The following EIF2AK4 variants were observed in gnomAD, a reference collection of about 807,000 sequenced individuals.
EIF2AK4 encodes the protein eIF-2-alpha kinase GCN2.
EIF2AK4 carries 139 observed loss-of-function variants against 211.1 expected under a neutral mutation model. The ratio of observed to expected loss-of-function variants is 0.66; its 90% confidence interval spans 0.57 to 0.76. The LOEUF (loss-of-function observed/expected upper bound fraction) is 0.76. Among genes scored for constraint, EIF2AK4 ranks in the 30% least tolerant of loss-of-function variants. EIF2AK4 has a pLI of 0.00. For synonymous variants in EIF2AK4, 710 were observed against 751.3 expected, an observed-to-expected ratio of 0.94 and a Z score of 0.90; for missense variants, 1,664 against 2,043.8, an observed-to-expected ratio of 0.81 and a Z score of 3.58.
At chr15:39,971,886 A>C (rs1446582858) in intron 9 of EIF2AK4, among the ~76,000 whole-genome samples, 1 of 152,222 alleles carries the variant, frequency 6.6e-6, no homozygotes, top group Non-Finnish European at 1.5e-5. Context: ...TCAGGGGTAT[A>C]GTAGAATTTG....
chr15:40,019,232 C>G (rs201918855), intron 30 of EIF2AK4, 32 bp downstream of exon 30: 20 of 1,468,936 alleles, frequency 1.4e-5, no homozygotes, highest in African/African-American at 1.3e-4. Context: ...CAGCATACTT[C>G]GAGGTGTCTT....
chr15:40,019,306 A>C, intron 30 of EIF2AK4, 106 bp downstream of exon 30: 1 of 827,968 alleles, frequency 1.2e-6, no homozygotes, highest in East Asian at 2.9e-5. Context: ...TGTGAAAGCT[A>C]TAGACGTAGG....
At chr15:39,976,337 G>T in intron 11 of EIF2AK4, 77 bp from the exon 12 acceptor site, 1 of 1,457,538 alleles carries the variant, frequency 6.9e-7, no homozygotes, top group Non-Finnish European at 9.2e-7. Context: ...GCTTTCCTTG[G>T]GAGGGGATGG....
intron 27 of EIF2AK4, among the ~76,000 whole-genome samples, chr15:40,013,798 C>G (rs530534983): frequency 6.6e-6 from 1 of 152,168 alleles, no homozygotes; most frequent in African/African-American, 2.4e-5. Flanking sequence ...CTACCCATGG[C>G]CCCTCCCAAA....
chr15:40,011,152 T>TC (rs1480570504), intron 26 of EIF2AK4, 129 bp from the exon 27 acceptor site: 14 of 571,476 alleles, frequency 2.4e-5, no homozygotes, highest in Non-Finnish European at 3.9e-5. Context: ...CAGAATTCAA[T>TC]CTATCCTGTA....
intron 34 of EIF2AK4, among the ~76,000 whole-genome samples, chr15:40,029,984 T>C (rs1176085429): frequency 2.0e-5 from 3 of 152,224 alleles, no homozygotes; most frequent in Non-Finnish European, 4.4e-5. Flanking sequence ...TTCTCTTCTG[T>C]TAGCACTAAC....
intron 18 of EIF2AK4, among the ~76,000 whole-genome samples, chr15:39,993,111 CCCAT>C (rs2034971300): frequency 7.0e-6 from 1 of 143,866 alleles, no homozygotes; most frequent in African/African-American, 2.6e-5. Context: ...CATCCACCCA[CCCAT>C]CCACCCATCC....
At chr15:39,955,153 G>A (rs2034372353) in intron 5 of EIF2AK4, among the ~76,000 whole-genome samples, 2 of 152,028 alleles carry the variant, frequency 1.3e-5, no homozygotes, top group African/African-American at 4.8e-5. Flanking sequence ...CCCTTCTTCT[G>A]TTCATCTCCT....
chr15:40,024,792 G>T (rs1304804668), intron 32 of EIF2AK4, among the ~76,000 whole-genome samples: 1 of 148,780 alleles, frequency 6.7e-6, no homozygotes, highest in Non-Finnish European at 1.5e-5. Context: ...GCAGTGGCGC[G>T]ATCTCAGCTT....
At chr15:40,005,879 C>G in intron 23 of EIF2AK4, among the ~76,000 whole-genome samples, 1 of 151,828 alleles carries the variant, frequency 6.6e-6, no homozygotes, top group Admixed American at 6.6e-5. Flanking sequence ...CCTGCATACA[C>G]TTGATATATG....
At chr15:39,946,568 A>G in intron 3 of EIF2AK4, 1 of 702,262 alleles carries the variant, frequency 1.4e-6, no homozygotes, top group Non-Finnish European at 2.6e-6. Flanking sequence ...AGGATATTTC[A>G]TAAACTTTGT....
At chr15:40,017,501 CTATATATA>C (rs202237104) in intron 29 of EIF2AK4, among the ~76,000 whole-genome samples, 57 of 26,104 alleles carry the variant, frequency 2.2e-3, no homozygotes, top group South Asian at 5.2e-3. Context: ...TACTCTGTTT[CTATATATA>C]TATATATATA....
At chr15:39,950,503 A>G (rs2034292438) in intron 4 of EIF2AK4, among the ~76,000 whole-genome samples, 1 of 151,658 alleles carries the variant, frequency 6.6e-6, no homozygotes, top group African/African-American at 2.4e-5. Flanking sequence ...AGGCACGAGA[A>G]TTGCTCGAAC....
chr15:39,992,133 T>G, intron 16 of EIF2AK4, 42 bp from the exon 17 acceptor site: 1 of 1,560,632 alleles, frequency 6.4e-7, no homozygotes. Flanking sequence ...CATGGAATAA[T>G]ATCATGTTTT....
At chr15:39,964,540 T>C (rs2034516775) in intron 7 of EIF2AK4, among the ~76,000 whole-genome samples, 2 of 152,216 alleles carry the variant, frequency 1.3e-5, no homozygotes, top group South Asian at 2.1e-4. Context: ...AACAGCTGCC[T>C]ACAACAAAGA....
At chr15:39,983,317 T>C (rs1269150787) in intron 13 of EIF2AK4, among the ~76,000 whole-genome samples, 1 of 152,264 alleles carries the variant, frequency 6.6e-6, no homozygotes, top group African/African-American at 2.4e-5. Context: ...GAGCTTTTTT[T>C]CATGTGTTTG....
At position 39,969,219 on chromosome 15, in the gene EIF2AK4, G is replaced by T. The variant is rs551686458; in HGVS notation, c.1553+1340G>T. ...GTGTTGTTAAAAACAGTACTGGGAG[G>T]TTTAAGTAGAAGTACCTTTCCTTTC... is the stretch of plus-strand genomic sequence containing the variant. On this transcript the variant is annotated intron_variant, in intron 9 of 38. Coordinates refer to ENST00000263791, the MANE Select transcript of EIF2AK4 (RefSeq NM_001013703.4). Among the ~76,000 whole-genome samples, 3 of 152,076 alleles carry T rather than the reference G, an allele frequency of 2.0e-5. No individual in the cohort carries two copies. In the South Asian group the frequency reaches 6.2e-4, roughly 32 times the overall value.
At chr15:40,030,596 T>C (rs889819035) in intron 35 of EIF2AK4, 140 bp downstream of exon 35, 16 of 834,526 alleles carry the variant, frequency 1.9e-5, no homozygotes, top group Non-Finnish European at 5.4e-6. Context: ...CCAACTTGCC[T>C]AACTGGGTGG....
In EIF2AK4 at chr15:39,941,540, A is replaced by C. The variant is rs1407367208; in HGVS notation, c.258-1843A>C. On this transcript the variant is annotated intron_variant, in intron 2 of 38. Transcript: ENST00000263791. ...GAATTCAAAGTGTTTATTCTTGAAA[A>C]ATCAAAATAAAGAAAAAGGTATAAG... 1.5e-4 allele frequency among the ~76,000 whole-genome samples: 22 copies of C among 150,844 alleles called. No homozygotes were observed. The South Asian group carries it at 1.7e-3, about 11-fold the overall frequency.
Sources: gnomAD v4.1 joint callset for allele counts (sites outside exome capture counted in the v4.1 genomes callset) on GRCh38, gnomAD v4.1.1 for gene constraint, MANE v1.5 for transcripts, NCBI Gene and HGNC (gene_info 2026-07-23, HGNC 2026-07-21) for gene names.